Variants in MAP1B observed in about 807,000 individuals in gnomAD.
The protein encoded by MAP1B is microtubule associated protein 1B, also known as microtubule-associated protein 1B.
In MAP1B, 12 loss-of-function variants were observed where a neutral mutation model predicts 176.1. That is an observed-to-expected ratio of 0.07 (90% CI 0.04 to 0.11). MAP1B has a LOEUF of 0.11. MAP1B is among the 10% of genes least tolerant of loss of function. The pLI is 1.00. For missense variants in MAP1B, 2,523 were observed against 2,990.5 expected (o/e 0.84, Z 3.65); for synonymous variants, 1,044 against 1,135.0 (o/e 0.92, Z 1.61).
In MAP1B at chr5:72,186,846, G is replaced by C. The variant is rs565913516; in HGVS notation, c.510+92G>C. 208 of 1,464,242 alleles carry C rather than the reference G, an allele frequency of 1.4e-4. 2 individuals are homozygous for C. The African/African-American group carries it at 2.5e-3, about 18-fold the overall frequency. 90.7% of individuals were successfully genotyped at this position (1,464,242 alleles called of 1,614,324 possible). A position where few individuals can be genotyped will look rare whatever the true frequency, so the allele number is the denominator to read the frequency against. On this transcript the variant is annotated intron_variant, in intron 4 of 6. Coordinates refer to ENST00000296755, the MANE Select transcript of MAP1B (RefSeq NM_005909.5). The surrounding 1 kb of genome is among the most constrained non-coding windows in gnomAD (Gnocchi z 4.3). ...CACTGGGGGAGACAAAAGAAGAAGG[G>C]AGGGAACCTCACAGCTCTCCTGAAA...
chr5:72,197,089 C>A lies in MAP1B; in HGVS notation c.3734C>A (p.Ala1245Asp), dbSNP rs115761899. Residue 1245 changes from alanine (A) to aspartate (D), a missense_variant, in exon 5 of 7, where the codon GCT becomes GAT. Around this residue, in one of 4 missense-constraint regions of MAP1B, gnomAD observed 1,925 missense variants for 2,126.0 expected, o/e 0.91. Transcript: ENST00000296755. ...TTGGACATCAAAGATAGCATCTCAG[C>A]TGTTTCAAGTGAAAAGGTCAGCCCA... ...TTLDIKDSISAVSSEKVSPSK... is the reference protein window; with the variant it reads ...TTLDIKDSISDVSSEKVSPSK... 490 of 1,614,228 alleles carry A rather than the reference C, an allele frequency of 3.0e-4. No individual in the cohort carries two copies. Among genetic ancestry groups the A allele is most frequent in the Non-Finnish European group, 4.0e-4 (469 of 1,180,034 alleles).
At chr5:72,135,128 A>G (rs1395017380) in intron 2 of MAP1B, among the ~76,000 whole-genome samples, 1 of 151,688 alleles carries the variant, frequency 6.6e-6, no homozygotes, top group East Asian at 1.9e-4. Flanking sequence ...CTTTCAAGCA[A>G]TCTAACAATA....
intron 1 of MAP1B, among the ~76,000 whole-genome samples, chr5:72,115,398 G>A (rs1258685846): frequency 1.3e-5 from 2 of 152,144 alleles, no homozygotes; most frequent in African/African-American, 4.8e-5. Context: ...CCTCCCTGGA[G>A]TACAGCCTGT....
Position 72,194,420 on chromosome 5 carries a change from A to T in MAP1B, c.1065A>T (p.Gly355=). ...AAAACCTCATCTCCCCTGACTTAGGAGTTGTATTTCTCAATGTACCTGAAA... is the reference window on the plus strand; with the variant it reads ...AAAACCTCATCTCCCCTGACTTAGGTGTTGTATTTCTCAATGTACCTGAAA... The part of the protein sequence containing the change: ...WMKNLISPDL[G]VVFLNVPENL... The change falls in exon 5 of 7, where the codon GGA becomes GGT. Residue 355 remains glycine, a synonymous_variant. Coordinates refer to ENST00000296755, the MANE Select transcript of MAP1B (RefSeq NM_005909.5). This position sits in a 1 kb window ranked among gnomAD's most constrained non-coding sequence, Gnocchi z 7.2. 6 of 1,614,166 alleles carry T rather than the reference A, an allele frequency of 3.7e-6. No homozygotes were observed. The African/African-American group carries it at 4.0e-5, about 11-fold the overall frequency.
chr5:72,170,799 G>T (rs994521623), intron 2 of MAP1B, among the ~76,000 whole-genome samples: 5 of 152,008 alleles, frequency 3.3e-5, no homozygotes, highest in African/African-American at 9.7e-5. Flanking sequence ...TACAAAAAAT[G>T]ATCCAGATGT....
chr5:72,185,782 G>C (rs751515473), intron 3 of MAP1B, among the ~76,000 whole-genome samples: 2 of 152,152 alleles, frequency 1.3e-5, no homozygotes, highest in African/African-American at 2.4e-5. Flanking sequence ...TACACTGTGG[G>C]GTTCTTGGGT....
intron 2 of MAP1B, chr5:72,179,596 G>A (rs1266368538): frequency 2.0e-6 from 2 of 985,278 alleles, no homozygotes; most frequent in African/African-American, 3.5e-5. Flanking sequence ...CAGGGGTGGG[G>A]GCGCGTCAGG....
intron 3 of MAP1B, among the ~76,000 whole-genome samples, chr5:72,184,160 G>A (rs188537924): frequency 3.9e-5 from 6 of 152,310 alleles, no homozygotes; most frequent in African/African-American, 7.2e-5. Context: ...GAAAAGAGAC[G>A]CAAGCCCTCA....
At chr5:72,159,378 T>C (rs1325681295) in intron 2 of MAP1B, among the ~76,000 whole-genome samples, 2 of 152,220 alleles carry the variant, frequency 1.3e-5, no homozygotes, top group Non-Finnish European at 2.9e-5. Context: ...GGTGATTCTT[T>C]GGAATTTCTC....
chr5:72,154,700 A>G (rs1407464828), intron 2 of MAP1B, among the ~76,000 whole-genome samples: 1 of 152,184 alleles, frequency 6.6e-6, no homozygotes, highest in Non-Finnish European at 1.5e-5. Flanking sequence ...GGCTTGGGAA[A>G]TTTAGAAGCT....
At chr5:72,130,878 T>G (rs1040881051) in intron 2 of MAP1B, among the ~76,000 whole-genome samples, 4 of 152,202 alleles carry the variant, frequency 2.6e-5, no homozygotes, top group South Asian at 2.1e-4. Context: ...CAAAAAATAG[T>G]TTACATATAA....
At chr5:72,201,250 T>C (rs1444570111) in intron 5 of MAP1B, among the ~76,000 whole-genome samples, 1 of 148,944 alleles carries the variant, frequency 6.7e-6, no homozygotes, top group Non-Finnish European at 1.5e-5. Flanking sequence ...CACGTGCTTA[T>C]AGTCTTAGCT....
At chr5:72,191,505 A>G (rs966338996) in intron 4 of MAP1B, among the ~76,000 whole-genome samples, 3 of 152,224 alleles carry the variant, frequency 2.0e-5, no homozygotes, top group African/African-American at 7.2e-5. Flanking sequence ...AGGTCTGGAA[A>G]GAGGCTGTGG....
At chr5:72,141,727 G>A (rs1372701090) in intron 2 of MAP1B, among the ~76,000 whole-genome samples, 2 of 152,148 alleles carry the variant, frequency 1.3e-5, no homozygotes, top group Non-Finnish European at 2.9e-5. Flanking sequence ...GTTCTGAGAC[G>A]ATTGTATGTT....
In MAP1B at chr5:72,197,185, T is replaced by C; in HGVS notation, c.3830T>C (p.Val1277Ala). 1 of 1,614,204 alleles carries C rather than the reference T, an allele frequency of 6.2e-7. No individual in the cohort carries two copies. The highest frequency in any genetic ancestry group is 8.5e-7 in the Non-Finnish European group (1 of 1,180,034). The change falls in exon 5 of 7, where the codon GTG (valine) becomes GCG (alanine). Residue 1277 changes from valine (V) to alanine (A), a missense_variant. Transcript: ENST00000296755. ...AAGACCCCCCTGGGTGAACGTAGTG[T>C]GAACTTCTCTCTGACGCCCAATGAG... ...LEKTPLGERS[V>A]NFSLTPNEIK...
intron 1 of MAP1B, among the ~76,000 whole-genome samples, chr5:72,114,260 A>G (rs1228097919): frequency 6.6e-6 from 1 of 152,066 alleles, no homozygotes. Flanking sequence ...TTGATTCTTT[A>G]CAGGATAGGA....
intron 2 of MAP1B, among the ~76,000 whole-genome samples, chr5:72,158,006 A>ATTTTTTTTTT (rs33987772): frequency 9.6e-6 from 1 of 104,320 alleles, no homozygotes. Flanking sequence ...CACCTGGCTA[A>ATTTTTTTTTT]TTTTTTTTTT....
chr5:72,205,420 G>C lies in MAP1B; in HGVS notation c.*181G>C, dbSNP rs750038401. The C allele has an allele frequency of 1.7e-6, 1 of 598,662 alleles. No homozygotes were observed. Among genetic ancestry groups the C allele is most frequent in the Non-Finnish European group, 2.9e-6 (1 of 350,566 alleles). 37.1% of individuals were successfully genotyped at this position (598,662 alleles called of 1,614,324 possible). A position where few individuals can be genotyped will look rare whatever the true frequency, so the allele number is the denominator to read the frequency against. On this transcript the variant is annotated 3_prime_UTR_variant, in exon 7 of 7. Coordinates refer to ENST00000296755, the MANE Select transcript of MAP1B (RefSeq NM_005909.5). ...TTTCTCAGTTTTTGCTGATTGCTAAGGGAAATAACAGTATTTCCACAATAG... is the reference window on the plus strand; with the variant it reads ...TTTCTCAGTTTTTGCTGATTGCTAACGGAAATAACAGTATTTCCACAATAG...
intron 2 of MAP1B, among the ~76,000 whole-genome samples, chr5:72,158,556 A>C (rs1173498841): frequency 6.6e-6 from 1 of 152,192 alleles, no homozygotes; most frequent in Non-Finnish European, 1.5e-5. Context: ...ATGGTGTTTG[A>C]ATTATGTGAT....
Sources: allele counts gnomAD v4.1 joint callset (sites outside exome capture counted in the v4.1 genomes callset), GRCh38; gene constraint gnomAD v4.1.1; regional missense constraint gnomAD v4.1.1; non-coding constraint Gnocchi (gnomAD v3.1); transcripts MANE v1.5; gene names NCBI Gene and HGNC (gene_info 2026-07-23, HGNC 2026-07-21).